The following NR3C2 variants were observed in gnomAD, a reference collection of about 807,000 sequenced individuals.
NR3C2 encodes the protein nuclear receptor subfamily 3 group C member 2, also known as mineralocorticoid receptor.
In NR3C2, 15 loss-of-function variants were observed where a neutral mutation model predicts 86.4. That is an observed-to-expected ratio of 0.17 (90% CI 0.12 to 0.27). The LOEUF is 0.27. Among genes scored for constraint, NR3C2 ranks in the 10% least tolerant of loss-of-function variants. NR3C2 has a pLI of 1.00. For synonymous variants in NR3C2, 458 were observed against 450.5 expected (o/e 1.02, Z -0.21); for missense variants, 960 against 1,195.6 (o/e 0.80, Z 2.91).
At chr4:148,415,822 C>T (rs950975727) in intron 2 of NR3C2, among the ~76,000 whole-genome samples, 7 of 152,064 alleles carry the variant, frequency 4.6e-5, no homozygotes, top group Non-Finnish European at 8.8e-5. Context: ...AATAATTTTT[C>T]GTCCTAGAAA....
chr4:148,336,413 G>T (rs6818452), intron 2 of NR3C2, among the ~76,000 whole-genome samples: 98,987 of 151,988 alleles, frequency 0.65, 33,751 homozygotes, highest in Non-Finnish European at 0.75. Flanking sequence ...GGATCTCAAG[G>T]ACTTCAAAGT....
chr4:148,349,283 T>C (rs779251394), intron 2 of NR3C2, among the ~76,000 whole-genome samples: 1 of 152,144 alleles, frequency 6.6e-6, no homozygotes, highest in Non-Finnish European at 1.5e-5. Flanking sequence ...AAAAGCATCC[T>C]GTGTCACAAG....
At chr4:148,168,770 C>T (rs999497977) in intron 4 of NR3C2, among the ~76,000 whole-genome samples, 11 of 152,096 alleles carry the variant, frequency 7.2e-5, no homozygotes, top group African/African-American at 7.2e-5. Context: ...TCAGAATTAC[C>T]GTGAGAAGCT....
chr4:148,324,762 A>G (rs1743866081), intron 2 of NR3C2, among the ~76,000 whole-genome samples: 1 of 152,226 alleles, frequency 6.6e-6, no homozygotes, highest in Non-Finnish European at 1.5e-5. Context: ...ATGTCATATC[A>G]AAACATATTT....
chr4:148,130,858 C>T (rs1182532487), intron 6 of NR3C2, among the ~76,000 whole-genome samples: 2 of 132,288 alleles, frequency 1.5e-5, no homozygotes, highest in African/African-American at 5.9e-5. Context: ...GAGTCTCGCT[C>T]TATCGCCCAG....
At chr4:148,271,128 C>T (rs2149884834) in intron 2 of NR3C2, among the ~76,000 whole-genome samples, 1 of 152,334 alleles carries the variant, frequency 6.6e-6, no homozygotes, top group Middle Eastern at 3.4e-3. Flanking sequence ...GCTTCTTCCA[C>T]TCCCAGACAG....
intron 8 of NR3C2, among the ~76,000 whole-genome samples, chr4:148,104,401 A>AAG (rs2149719953): frequency 7.8e-6 from 1 of 127,804 alleles, no homozygotes; most frequent in Non-Finnish European, 1.5e-5. Flanking sequence ...GGTGTCTTGG[A>AAG]AGAGAAGGCT....
At chr4:148,284,522 T>A (rs1300416299) in intron 2 of NR3C2, among the ~76,000 whole-genome samples, 1 of 152,188 alleles carries the variant, frequency 6.6e-6, no homozygotes, top group Admixed American at 6.5e-5. Flanking sequence ...ATAGGTTTCT[T>A]TTTTTAAAAC....
chr4:148,263,252 C>T (rs1332857280), intron 2 of NR3C2, among the ~76,000 whole-genome samples: 1 of 152,168 alleles, frequency 6.6e-6, no homozygotes, highest in Non-Finnish European at 1.5e-5. Flanking sequence ...ATATCATGCT[C>T]AAAACAATAT....
chr4:148,274,479 T>C (rs1480366911), intron 2 of NR3C2, among the ~76,000 whole-genome samples: 1 of 152,050 alleles, frequency 6.6e-6, no homozygotes, highest in Non-Finnish European at 1.5e-5. Context: ...CCTATGCTGT[T>C]CTGATGGTGA....
At chr4:148,334,271 G>A (rs1428047032) in intron 2 of NR3C2, among the ~76,000 whole-genome samples, 2 of 152,206 alleles carry the variant, frequency 1.3e-5, no homozygotes, top group Non-Finnish European at 2.9e-5. Flanking sequence ...GACCAGGCGC[G>A]GTGGCTCACG....
chr4:148,286,235 C>T (rs959945997), intron 2 of NR3C2, among the ~76,000 whole-genome samples: 1 of 152,160 alleles, frequency 6.6e-6, no homozygotes, highest in Non-Finnish European at 1.5e-5. Flanking sequence ...ATAAGAGTAA[C>T]AGACCAAAGG....
rs370997486 is a variant in NR3C2, at chr4:148,088,727, TA to T, written c.2800-7229del. 3.8e-4 allele frequency among the ~76,000 whole-genome samples: 54 copies of T among 140,888 alleles called. 1 individual carries two copies. Among genetic ancestry groups the T allele is most frequent in the African/African-American group, 1.2e-3 (43 of 37,334 alleles). 92.4% of individuals were successfully genotyped at this position (140,888 alleles called of 152,430 possible). The stretch of plus-strand genomic sequence containing the variant: ...TGGGGCCTGTTGGAGGGTGGGGGGC[TA>T]GGGGAGGGATGGCATTAGGAGAAAT... On this transcript the variant is annotated intron_variant, in intron 8 of 8. Transcript: ENST00000358102.
chr4:148,128,369 A>C (rs565243307), intron 6 of NR3C2, among the ~76,000 whole-genome samples: 1 of 152,326 alleles, frequency 6.6e-6, no homozygotes, highest in African/African-American at 2.4e-5. Context: ...AGTTGATTTG[A>C]GAAATTATTG....
chr4:148,444,873 A>G, upstream of NR3C2: 6 of 984,828 alleles, frequency 6.1e-6, no homozygotes, highest in Non-Finnish European at 7.2e-6. Context: ...GAAGTCCGGC[A>G]GGAGGATCCC....
chr4:148,346,289 T>A (rs1420144151), intron 2 of NR3C2, among the ~76,000 whole-genome samples: 1 of 152,088 alleles, frequency 6.6e-6, no homozygotes, highest in Non-Finnish European at 1.5e-5. Context: ...TAGGAGGCTA[T>A]CAACATAGCC....
chr4:148,321,970 G>A (rs1743623539), intron 2 of NR3C2, among the ~76,000 whole-genome samples: 1 of 152,162 alleles, frequency 6.6e-6, no homozygotes, highest in Non-Finnish European at 1.5e-5. Context: ...TTTCTTCCTA[G>A]TCTTGATGGT....
intron 4 of NR3C2, among the ~76,000 whole-genome samples, chr4:148,191,399 C>G (rs968762999): frequency 2.0e-5 from 3 of 152,160 alleles, no homozygotes; most frequent in Non-Finnish European, 4.4e-5. Flanking sequence ...GTGCTTCTGT[C>G]TCACAGCTCT....
At chr4:148,251,179 G>A (rs1431519217) in intron 3 of NR3C2, among the ~76,000 whole-genome samples, 1 of 151,852 alleles carries the variant, frequency 6.6e-6, no homozygotes. Flanking sequence ...GGCTGGTCTC[G>A]AACTCCTGAG....
Sources: allele counts gnomAD v4.1 joint callset (sites outside exome capture counted in the v4.1 genomes callset), GRCh38; gene constraint gnomAD v4.1.1; transcripts MANE v1.5; gene names NCBI Gene and HGNC (gene_info 2026-07-23, HGNC 2026-07-21).